The following CDH4 variants were observed in gnomAD, a reference collection of about 807,000 sequenced individuals.
CDH4 encodes cadherin 4.
CDH4 carries 33 observed loss-of-function variants against 86.0 expected under a neutral mutation model. The observed-to-expected ratio is 0.38, with a 90% CI of 0.29 to 0.51. The LOEUF (loss-of-function observed/expected upper bound fraction) is 0.51, where lower values mean the gene tolerates loss of function less well. Ranked by LOEUF, CDH4 falls within the 20% of genes least tolerant of loss-of-function variation. CDH4 has a pLI of 0.86. For synonymous variants in CDH4, 555 were observed against 549.4 expected (o/e 1.01, Z -0.14); for missense variants, 1,114 against 1,307.4 (o/e 0.85, Z 2.28).
intron 2 of CDH4, among the ~76,000 whole-genome samples, chr20:61,620,813 G>A (rs1446571409): frequency 6.6e-6 from 1 of 152,192 alleles, no homozygotes; most frequent in Non-Finnish European, 1.5e-5. Flanking sequence ...GGTAGAAAAT[G>A]GACACATTCT....
At chr20:61,289,536 C>G (rs1218431322) in intron 2 of CDH4, among the ~76,000 whole-genome samples, 4 of 152,178 alleles carry the variant, frequency 2.6e-5, no homozygotes, top group African/African-American at 9.7e-5. Context: ...GTGTGGGTGC[C>G]CAGGGGCATG....
chr20:61,665,815 G>A (rs544370445), intron 2 of CDH4, among the ~76,000 whole-genome samples: 5 of 152,308 alleles, frequency 3.3e-5, no homozygotes, highest in East Asian at 1.9e-4. Context: ...CAGCGTACAC[G>A]GTCCTCCAGC....
chr20:61,378,365 G>A (rs1210104865), intron 2 of CDH4, among the ~76,000 whole-genome samples: 4 of 152,178 alleles, frequency 2.6e-5, no homozygotes, highest in African/African-American at 7.2e-5. Flanking sequence ...CAAGGTGGGT[G>A]GCTTAGAACA....
chr20:61,556,785 G>T (rs1283767453), intron 2 of CDH4, among the ~76,000 whole-genome samples: 1 of 152,124 alleles, frequency 6.6e-6, no homozygotes, highest in Non-Finnish European at 1.5e-5. Flanking sequence ...GTGGCCAGTG[G>T]CTGTCCTCTG....
chr20:61,606,656 T>C (rs1473950566), intron 2 of CDH4, among the ~76,000 whole-genome samples: 1 of 152,206 alleles, frequency 6.6e-6, no homozygotes, highest in Non-Finnish European at 1.5e-5. Flanking sequence ...TCCTGGGAAG[T>C]GCACCCCGCC....
At chr20:61,867,640 C>T (rs1331811273) in intron 6 of CDH4, among the ~76,000 whole-genome samples, 1 of 151,996 alleles carries the variant, frequency 6.6e-6, no homozygotes, top group Admixed American at 6.5e-5. Context: ...TTTTCCTCCT[C>T]CCCCCAGGCC....
At chr20:61,844,618 C>A in intron 4 of CDH4, 50 bp from the exon 5 acceptor site, 2 of 1,558,496 alleles carry the variant, frequency 1.3e-6, no homozygotes, top group Non-Finnish European at 1.7e-6. Flanking sequence ...CGGCCCCGGG[C>A]CTCTCCTCAC....
rs191652402 is a variant in CDH4, at chr20:61,852,960, C to G, written c.877+62C>G. ...GGGCTCTGCGGGTGCAGCACAGGCC[C>G]TGAGGGCAGGGGAGGGCTGCTTAGT... On this transcript the variant is annotated intron_variant, in intron 6 of 15. Coordinates refer to ENST00000614565, the MANE Select transcript of CDH4 (RefSeq NM_001794.5). The G allele has an allele frequency of 2.8e-3, 4,294 of 1,556,972 alleles. 10 individuals are homozygous for G. Among genetic ancestry groups the G allele is most frequent in the Non-Finnish European group, 2.9e-3 (3,305 of 1,141,718 alleles).
At chr20:61,745,078 G>T (rs2145945509) in intron 3 of CDH4, among the ~76,000 whole-genome samples, 1 of 152,364 alleles carries the variant, frequency 6.6e-6, no homozygotes, top group South Asian at 2.1e-4. Flanking sequence ...CCTCTATGGG[G>T]TCGTTTGAGA....
chr20:61,257,449 C>T (rs2084104780), intron 2 of CDH4, among the ~76,000 whole-genome samples: 1 of 152,266 alleles, frequency 6.6e-6, no homozygotes, highest in South Asian at 2.1e-4. Flanking sequence ...TACGAACCTT[C>T]CGAGAAGCGG....
At chr20:61,321,690 T>C (rs994690541) in intron 2 of CDH4, among the ~76,000 whole-genome samples, 4 of 152,010 alleles carry the variant, frequency 2.6e-5, no homozygotes, top group African/African-American at 7.2e-5. Context: ...CTCCCTGGAG[T>C]AGCCTGCAGA....
In CDH4 at chr20:61,285,081, T is replaced by TTG. The variant is rs1555833429; in HGVS notation, c.169+30145_169+30146insGT. On this transcript the variant is annotated intron_variant, in intron 2 of 15. Coordinates refer to ENST00000614565, the MANE Select transcript of CDH4 (RefSeq NM_001794.5). ...CAGCCCAGCCTTTCCTGTTTTTTTT[T>TTG]TTTGTTTGTTTGTTTGTTTGTTTGT... Among the ~76,000 whole-genome samples the TTG allele has an allele frequency of 5.6e-3, 841 of 149,452 alleles. 3 individuals are homozygous for TTG. The highest frequency in any genetic ancestry group is 0.015 in the East Asian group (77 of 5,102).
At chr20:61,523,728 C>A (rs967234008) in intron 2 of CDH4, among the ~76,000 whole-genome samples, 1 of 152,222 alleles carries the variant, frequency 6.6e-6, no homozygotes, top group African/African-American at 2.4e-5. Context: ...AGACACCACC[C>A]GTCTGCGTCC....
At chr20:61,512,050 C>T (rs1007894891) in intron 2 of CDH4, among the ~76,000 whole-genome samples, 6 of 152,108 alleles carry the variant, frequency 3.9e-5, no homozygotes, top group Non-Finnish European at 7.4e-5. Context: ...CTTGTTTCCT[C>T]GCCTGCAAGG....
chr20:61,907,051 A>T (rs2427239), intron 8 of CDH4, among the ~76,000 whole-genome samples: 12 of 151,980 alleles, frequency 7.9e-5, no homozygotes, highest in South Asian at 2.1e-4. Context: ...AAGCTCCCCC[A>T]ACCCTGAGGC....
At chr20:61,908,627 G>A (rs541205754) in intron 8 of CDH4, among the ~76,000 whole-genome samples, 6 of 152,116 alleles carry the variant, frequency 3.9e-5, no homozygotes, top group South Asian at 2.1e-4. Context: ...CCCCTTCTCC[G>A]TTTCCCACCT....
intron 15 of CDH4, among the ~76,000 whole-genome samples, chr20:61,935,214 T>C (rs1026234336): frequency 1.3e-5 from 2 of 152,186 alleles, no homozygotes; most frequent in African/African-American, 2.4e-5. Flanking sequence ...TTAGCAACAC[T>C]TAGACCTCAG....
intron 2 of CDH4, among the ~76,000 whole-genome samples, chr20:61,281,721 C>T (rs909967154): frequency 2.0e-5 from 3 of 152,206 alleles, no homozygotes; most frequent in Admixed American, 2.0e-4. Flanking sequence ...AAAGCAAACA[C>T]CAAACCAAAG....
intron 2 of CDH4, among the ~76,000 whole-genome samples, chr20:61,524,009 G>A (rs534940253): frequency 3.3e-5 from 5 of 152,312 alleles, no homozygotes; most frequent in Admixed American, 2.0e-4. Flanking sequence ...AAAAGACCCA[G>A]AAGCCACTTG....
Sources: allele counts gnomAD v4.1 joint callset (sites outside exome capture counted in the v4.1 genomes callset), GRCh38; gene constraint gnomAD v4.1.1; transcripts MANE v1.5; gene names NCBI Gene and HGNC (gene_info 2026-07-23, HGNC 2026-07-21).